HPSE2: variants seen among roughly 807,000 people sequenced by gnomAD.
HPSE2 encodes the protein inactive heparanase-2.
In HPSE2, 38 loss-of-function variants were observed where a neutral mutation model predicts 60.5. That is an observed-to-expected ratio of 0.63 (90% confidence interval 0.48 to 0.82). The LOEUF (loss-of-function observed/expected upper bound fraction) is 0.82. Ranked by LOEUF, HPSE2 falls within the 40% of genes least tolerant of loss-of-function variation. The pLI is 0.00. For missense variants in HPSE2, 713 were observed against 740.4 expected (o/e 0.96, Z 0.43); for synonymous variants, 295 against 293.2 (o/e 1.01, Z -0.06).
intron 9 of HPSE2, among the ~76,000 whole-genome samples, chr10:98,521,604 T>C (rs1235051466): frequency 6.6e-6 from 1 of 152,166 alleles, no homozygotes; most frequent in African/African-American, 2.4e-5. Context: ...GAACTAGAAA[T>C]ACCATTTGAC....
intron 4 of HPSE2, among the ~76,000 whole-genome samples, chr10:98,726,328 C>T (rs1174409055): frequency 6.6e-6 from 1 of 152,032 alleles, no homozygotes; most frequent in African/African-American, 2.4e-5. Context: ...AGTTCATGTC[C>T]TTTGTAGGGA....
intron 3 of HPSE2, among the ~76,000 whole-genome samples, chr10:98,809,373 T>C (rs1951115635): frequency 6.6e-6 from 1 of 152,080 alleles, no homozygotes; most frequent in Non-Finnish European, 1.5e-5. Flanking sequence ...TAGGGTACTA[T>C]TAATATAATG....
chr10:98,799,083 G>T (rs1025902281), intron 3 of HPSE2, among the ~76,000 whole-genome samples: 2 of 152,088 alleles, frequency 1.3e-5, no homozygotes, highest in Admixed American at 1.3e-4. Flanking sequence ...TGAAAATAAA[G>T]GGATGGAAAA....
intron 9 of HPSE2, among the ~76,000 whole-genome samples, chr10:98,585,429 A>T (rs1424358261): frequency 6.6e-6 from 1 of 150,924 alleles, no homozygotes; most frequent in Non-Finnish European, 1.5e-5. Flanking sequence ...GCGCCACCAC[A>T]CCCAGCTAAT....
chr10:99,169,427 C>G (rs1033619094), intron 2 of HPSE2, among the ~76,000 whole-genome samples: 3 of 137,498 alleles, frequency 2.2e-5, no homozygotes, highest in African/African-American at 8.3e-5. Context: ...ATTCCTTGAA[C>G]CCGGGAGGTG....
At chr10:99,032,319 A>C (rs908467979) in intron 3 of HPSE2, among the ~76,000 whole-genome samples, 8 of 152,144 alleles carry the variant, frequency 5.3e-5, no homozygotes, top group Admixed American at 2.0e-4. Context: ...GGAAAGAAAA[A>C]AAATCGTCAA....
At chr10:99,253,903 G>A in the HPSE2 span, among the ~76,000 whole-genome samples, 16 of 152,200 alleles carry the variant, frequency 1.1e-4, no homozygotes, top group Middle Eastern at 3.4e-3. Context: ...AAACCACAAT[G>A]AGTTGCCATC....
chr10:98,585,949 C>A (rs1313880940), intron 9 of HPSE2, among the ~76,000 whole-genome samples: 4 of 71,692 alleles, frequency 5.6e-5, no homozygotes, highest in Admixed American at 3.3e-4. Context: ...AAGACTGTGT[C>A]TCAAAAAAAA....
rs952609551 is a variant in HPSE2 at position 98,724,468 on chromosome 10, A to T, written c.785-2640T>A. ...TGATTTGGGGTGCAGAGTTCTGTAG[A>T]TGTCTATTAGGTCCACTTGGTGCAG... On this transcript the variant is annotated intron_variant, in intron 4 of 11. Coordinates refer to ENST00000370552, the MANE Select transcript of HPSE2 (RefSeq NM_021828.5). Among the ~76,000 whole-genome samples, 3 of 152,308 alleles carry T rather than the reference A, an allele frequency of 2.0e-5. No individual in the cohort carries two copies. The East Asian group carries it at 5.8e-4, about 29-fold the overall frequency.
intron 5 of HPSE2, among the ~76,000 whole-genome samples, chr10:98,704,866 G>A (rs1423303207): frequency 6.6e-6 from 1 of 152,028 alleles, no homozygotes; most frequent in Non-Finnish European, 1.5e-5. Flanking sequence ...GCTTCATGAC[G>A]AAAATGCCAA....
chr10:99,180,642 T>C (rs1037445398), intron 2 of HPSE2, among the ~76,000 whole-genome samples: 3 of 151,928 alleles, frequency 2.0e-5, no homozygotes, highest in African/African-American at 7.3e-5. Context: ...CCTAGCCCTA[T>C]GGGAGGCTGA....
At position 98,490,051 on chromosome 10, in the gene HPSE2, T is replaced by C. The variant is rs199616956; in HGVS notation, c.1466A>G (p.Asn489Ser). The C allele has an allele frequency of 6.2e-6, 10 of 1,612,830 alleles. No individual in the cohort carries two copies. Among genetic ancestry groups the C allele is most frequent in the East Asian group, 4.5e-5 (2 of 44,882 alleles). ...RIYAHCTNHH[N>S]HNYVRGSITL... Reference sequence around the variant, plus strand: ...TTCTGCCATCTTTCTGAGGACTTACTTGTGGTGGTTTGTGCAGTGAGCATA... The same window carrying C: ...TTCTGCCATCTTTCTGAGGACTTACCTGTGGTGGTTTGTGCAGTGAGCATA... Residue 489 changes from asparagine to serine, a missense_variant and splice_region_variant, in exon 10 of 12, where the codon AAC (asparagine) becomes AGC (serine). By Grantham distance (46) the Asn-to-Ser change is conservative (BLOSUM62 1). Coordinates refer to ENST00000370552, the MANE Select transcript of HPSE2 (RefSeq NM_021828.5).
chr10:98,644,844 C>T (rs760345818), intron 6 of HPSE2, among the ~76,000 whole-genome samples: 12 of 152,120 alleles, frequency 7.9e-5, no homozygotes, highest in Non-Finnish European at 1.5e-4. Context: ...ATTCTTGTCC[C>T]CAGTTTTACC....
intron 9 of HPSE2, among the ~76,000 whole-genome samples, chr10:98,520,995 T>G (rs1409548392): frequency 6.6e-6 from 1 of 152,204 alleles, no homozygotes; most frequent in Non-Finnish European, 1.5e-5. Context: ...TAATTCAAGA[T>G]GGATTAAAGA....
upstream of HPSE2, among the ~76,000 whole-genome samples, chr10:99,239,448 GAGAC>G (rs1370778048): frequency 4.2e-3 from 19 of 4,546 alleles, no homozygotes; most frequent in African/African-American, 1.0e-2. Flanking sequence ...TTTTTTTTTT[GAGAC>G]AGAGTCTCGC....
intron 6 of HPSE2, among the ~76,000 whole-genome samples, chr10:98,692,821 T>C (rs975646665): frequency 3.3e-5 from 5 of 152,090 alleles, no homozygotes; most frequent in African/African-American, 4.8e-5. Flanking sequence ...TCTGAAAATA[T>C]TTGGAACTTG....
At chr10:98,725,675 C>A (rs11189782) in intron 4 of HPSE2, among the ~76,000 whole-genome samples, 22,181 of 151,946 alleles carry the variant, frequency 0.15, 1,971 homozygotes, top group Admixed American at 0.23. Flanking sequence ...TGCACAGCAA[C>A]AGAAACCACC....
At chr10:98,757,814 A>T (rs1482519237) in intron 3 of HPSE2, among the ~76,000 whole-genome samples, 2 of 152,138 alleles carry the variant, frequency 1.3e-5, no homozygotes, top group East Asian at 1.9e-4. Flanking sequence ...TACCAATGAC[A>T]TTTTCCACAG....
chr10:99,159,447 G>T (rs774682485), intron 2 of HPSE2, among the ~76,000 whole-genome samples: 1 of 152,090 alleles, frequency 6.6e-6, no homozygotes, highest in East Asian at 1.9e-4. Flanking sequence ...TTGGTTATAC[G>T]AATTCATATA....
Sources: allele counts gnomAD v4.1 joint callset (sites outside exome capture counted in the v4.1 genomes callset), GRCh38; gene constraint gnomAD v4.1.1; transcripts MANE v1.5; gene names NCBI Gene and HGNC (gene_info 2026-07-23, HGNC 2026-07-21).